SULF1: variants seen among roughly 807,000 people sequenced by gnomAD.
The protein encoded by SULF1 is sulfatase 1.
SULF1 carries 46 observed loss-of-function variants against 110.5 expected under a neutral mutation model. The ratio of observed to expected loss-of-function variants is 0.42; its 90% CI spans 0.33 to 0.53. SULF1 has a LOEUF of 0.53. Ranked by LOEUF, SULF1 falls within the 20% of genes least tolerant of loss-of-function variation. The pLI is 0.12. For synonymous variants in SULF1, 371 were observed against 387.1 expected, an observed-to-expected ratio of 0.96 and a Z score of 0.49; for missense variants, 941 against 1,094.2, an observed-to-expected ratio of 0.86 and a Z score of 1.98.
At chr8:69,513,827 A>T (rs1030408928) in intron 3 of SULF1, among the ~76,000 whole-genome samples, 1 of 152,242 alleles carries the variant, frequency 6.6e-6, no homozygotes, top group African/African-American at 2.4e-5. Flanking sequence ...GAAAGAAAAG[A>T]TTCCAACAGA....
intron 7 of SULF1, 109 bp from the exon 8 acceptor site, chr8:69,588,863 C>A: frequency 9.1e-7 from 1 of 1,093,710 alleles, no homozygotes; most frequent in East Asian, 2.5e-5. Flanking sequence ...CTGCTGTAGA[C>A]CTTGCCACTT....
chr8:69,564,247 T>C (rs1050212898), intron 5 of SULF1, 100 bp downstream of exon 5: 1 of 1,402,666 alleles, frequency 7.1e-7, no homozygotes, highest in Non-Finnish European at 9.9e-7. Flanking sequence ...CACTTAATTA[T>C]TGCACATTAA....
chr8:69,551,100 G>C (rs1814675018), intron 3 of SULF1, among the ~76,000 whole-genome samples: 1 of 152,218 alleles, frequency 6.6e-6, no homozygotes, highest in African/African-American at 2.4e-5. Context: ...GTGATGAAAG[G>C]CCCACAGGGG....
intron 13 of SULF1, among the ~76,000 whole-genome samples, chr8:69,613,873 A>G (rs1392105321): frequency 6.6e-6 from 1 of 152,156 alleles, no homozygotes; most frequent in Non-Finnish European, 1.5e-5. Context: ...CCATGAAGCC[A>G]GGAGGAGCAA....
At position 69,581,398 on chromosome 8, in the gene SULF1, TG is replaced by T. The variant is rs372846029; in HGVS notation, c.413-4957del. On this transcript the variant is annotated intron_variant, in intron 6 of 22. Coordinates refer to ENST00000402687, the MANE Select transcript of SULF1 (RefSeq NM_001128205.2). ...TTCCTGGAAATTTTTCTAAGCATTA[TG>T]GAACAGGTTGTCCTAGACAGAAGTA... Among the ~76,000 whole-genome samples the T allele has an allele frequency of 1.5e-3, 226 of 152,318 alleles. 1 individual carries two copies. The highest frequency in any genetic ancestry group is 5.1e-3 in the African/African-American group (212 of 41,564).
At chr8:69,558,877 C>A (rs1275571044) in intron 3 of SULF1, among the ~76,000 whole-genome samples, 1 of 151,906 alleles carries the variant, frequency 6.6e-6, no homozygotes, top group Non-Finnish European at 1.5e-5. Flanking sequence ...ATATTTGATT[C>A]TTTTGAAAAT....
chr8:69,541,334 A>G (rs149773816), intron 3 of SULF1, among the ~76,000 whole-genome samples: 249 of 152,344 alleles, frequency 1.6e-3, no homozygotes, highest in Non-Finnish European at 2.5e-3. Flanking sequence ...CCTGAGAAGT[A>G]TGATGGCAGG....
At chr8:69,633,328 CTTT>C (rs200590898) in intron 19 of SULF1, among the ~76,000 whole-genome samples, 7 of 134,078 alleles carry the variant, frequency 5.2e-5, no homozygotes, top group Admixed American at 1.5e-4. Context: ...TCAGGACATT[CTTT>C]TTTTTTTTTT....
intron 22 of SULF1, among the ~76,000 whole-genome samples, chr8:69,652,764 G>A (rs536368807): frequency 6.6e-6 from 1 of 152,288 alleles, no homozygotes; most frequent in African/African-American, 2.4e-5. Context: ...GTTCAAATAA[G>A]GCAAACACTG....
chr8:69,538,273 G>T (rs202049314), intron 3 of SULF1, among the ~76,000 whole-genome samples: 7 of 58,162 alleles, frequency 1.2e-4, no homozygotes, highest in South Asian at 7.8e-4. Flanking sequence ...CATTTCTGTT[G>T]CCTTTTTTTT....
chr8:69,509,606 T>C (rs1355532890), intron 3 of SULF1, among the ~76,000 whole-genome samples: 1 of 152,180 alleles, frequency 6.6e-6, no homozygotes, highest in Non-Finnish European at 1.5e-5. Flanking sequence ...GTTGATTGGC[T>C]CCTGTTGGGC....
intron 5 of SULF1, among the ~76,000 whole-genome samples, chr8:69,569,758 G>C (rs1042765888): frequency 3.9e-5 from 6 of 152,110 alleles, no homozygotes; most frequent in Non-Finnish European, 8.8e-5. Context: ...TTTTGGAGGG[G>C]CCAGGAGGAA....
intron 3 of SULF1, among the ~76,000 whole-genome samples, chr8:69,505,312 A>G (rs978995237): frequency 6.6e-6 from 1 of 152,174 alleles, no homozygotes; most frequent in Non-Finnish European, 1.5e-5. Context: ...TTTTCAGCTT[A>G]AAATACACCT....
chr8:69,623,854 C>T, intron 14 of SULF1, 88 bp from the exon 15 acceptor site: 2 of 1,483,878 alleles, frequency 1.3e-6, no homozygotes, highest in Non-Finnish European at 1.8e-6. Flanking sequence ...TTCTCCACTC[C>T]AGGATCCCTT....
At chr8:69,640,134 G>A (rs72658290) in intron 21 of SULF1, among the ~76,000 whole-genome samples, 110 of 28,976 alleles carry the variant, frequency 3.8e-3, no homozygotes, top group South Asian at 8.8e-3. Flanking sequence ...GAAGGAAGAA[G>A]GAAGGAAGGA....
At chr8:69,625,384 C>T (rs1449238872) in intron 15 of SULF1, among the ~76,000 whole-genome samples, 1 of 152,202 alleles carries the variant, frequency 6.6e-6, no homozygotes, top group African/African-American at 2.4e-5. Flanking sequence ...TGGCTAGAAC[C>T]TATTGTGTCC....
intron 13 of SULF1, among the ~76,000 whole-genome samples, chr8:69,619,004 G>C (rs1809392113): frequency 1.3e-5 from 2 of 152,086 alleles, no homozygotes; most frequent in African/African-American, 4.8e-5. Flanking sequence ...AATATGTACT[G>C]GTATAAGAGG....
chr8:69,659,161 G>A lies in SULF1; in HGVS notation c.*626G>A, dbSNP rs1251780493. Reference sequence around the variant, plus strand: ...TCAACTATATCTTCCTGTGCATTCCGATGGAATTTCAGTTCATCAGATGTT... The same window carrying A: ...TCAACTATATCTTCCTGTGCATTCCAATGGAATTTCAGTTCATCAGATGTT... On this transcript the variant is annotated 3_prime_UTR_variant, in exon 23 of 23. Transcript: ENST00000402687. The A allele has an allele frequency of 1.1e-5, 5 of 456,600 alleles. No homozygotes were observed. The highest frequency in any genetic ancestry group is 2.4e-5 in the Admixed American group (1 of 42,548). The allele number at this position is 456,600 out of a possible 1,614,324, so 28.3% of individuals were successfully genotyped here. A position where few individuals can be genotyped will look rare whatever the true frequency, so the allele number is the denominator to read the frequency against.
intron 3 of SULF1, among the ~76,000 whole-genome samples, chr8:69,534,787 C>A (rs769548784): frequency 2.4e-4 from 37 of 151,654 alleles, no homozygotes; most frequent in Non-Finnish European, 4.1e-4. Flanking sequence ...TACATTGATA[C>A]AACTGACGTC....
Sources: allele counts gnomAD v4.1 joint callset (sites outside exome capture counted in the v4.1 genomes callset), GRCh38; gene constraint gnomAD v4.1.1; transcripts MANE v1.5; gene names NCBI Gene and HGNC (gene_info 2026-07-23, HGNC 2026-07-21).